The following IL22RA2 variants were observed in gnomAD, a reference collection of about 807,000 sequenced individuals.
IL22RA2 encodes interleukin-22 receptor subunit alpha-2.
Under a neutral mutation model 30.7 loss-of-function variants are expected in IL22RA2, and 39 were observed. The ratio of observed to expected loss-of-function variants is 1.27; its 90% CI spans 0.98 to 1.66. The LOEUF (loss-of-function observed/expected upper bound fraction) is 1.66. Ranked by LOEUF, IL22RA2 falls within the 40% of genes most tolerant of loss-of-function variation. IL22RA2 has a pLI of 0.00. For synonymous variants in IL22RA2, 103 were observed against 105.0 expected, an observed-to-expected ratio of 0.98 and a Z score of 0.11; for missense variants, 315 against 312.7, an observed-to-expected ratio of 1.01 and a Z score of -0.05.
intron 5 of IL22RA2, among the ~76,000 whole-genome samples, chr6:137,152,898 C>G (rs765029961): frequency 6.6e-5 from 10 of 152,038 alleles, no homozygotes; most frequent in Non-Finnish European, 1.2e-4. Context: ...GTCCAACTTT[C>G]CAGTAAGGAA....
intron 6 of IL22RA2, 61 bp downstream of exon 6, chr6:137,147,661 C>G: frequency 7.6e-7 from 1 of 1,315,502 alleles, no homozygotes; most frequent in African/African-American, 1.5e-5. Context: ...CATATGACCA[C>G]AATATTGGTT....
At chr6:137,169,223 T>G (rs28741404) in intron 1 of IL22RA2, among the ~76,000 whole-genome samples, 12,081 of 152,272 alleles carry the variant, frequency 0.079, 1,173 homozygotes, top group African/African-American at 0.23. Flanking sequence ...GTCAACAATA[T>G]TTTGAAGAAT....
rs1293958358 is a variant in IL22RA2 at position 137,144,114 on chromosome 6, C to T, written c.*1510G>A. 2 of 152,296 alleles carry T rather than the reference C, an allele frequency of 1.3e-5. No homozygotes were observed. Among genetic ancestry groups the T allele is most frequent in the African/African-American group, 4.8e-5 (2 of 41,430 alleles). The allele number at this position is 152,296 out of a possible 1,614,324, so 9.4% of individuals were successfully genotyped here. On this transcript the variant is annotated 3_prime_UTR_variant, in exon 7 of 7. Coordinates refer to ENST00000296980, the MANE Select transcript of IL22RA2 (RefSeq NM_052962.3). ...ACCCACCCCACTACTCTTAATTCAT[C>T]GCCCTCTCCACAAAAGGACAAAAGG...
chr6:137,154,721 T>C (rs7774349), intron 5 of IL22RA2, among the ~76,000 whole-genome samples: 90,542 of 152,014 alleles, frequency 0.6, 29,221 homozygotes, highest in African/African-American at 0.85. Flanking sequence ...TAATACAGAT[T>C]GCGAGATTGG....
intron 1 of IL22RA2, among the ~76,000 whole-genome samples, chr6:137,165,902 A>G (rs1430266167): frequency 6.6e-6 from 1 of 152,220 alleles, no homozygotes. Flanking sequence ...TTCTAACCCT[A>G]GAATGTTAAG....
Position 137,145,545 on chromosome 6 carries a change from T to TA in IL22RA2, c.*78dup. On this transcript the variant is annotated 3_prime_UTR_variant, in exon 7 of 7. Coordinates refer to ENST00000296980, the MANE Select transcript of IL22RA2 (RefSeq NM_052962.3). Reference sequence around the variant, plus strand: ...AAGAAAATACAAAAACAATTTTAAATAAGATCCTTCAAACACGAGTCATCC... The same window carrying TA: ...AAGAAAATACAAAAACAATTTTAAATAAAGATCCTTCAAACACGAGTCATCC... 7.5e-7 allele frequency: 1 copy of TA among 1,329,840 alleles called. No individual in the cohort carries two copies. The highest frequency in any genetic ancestry group is 1.0e-6 in the Non-Finnish European group (1 of 973,424). The allele number at this position is 1,329,840 out of a possible 1,614,324, so 82.4% of individuals were successfully genotyped here.
chr6:137,168,600 C>T (rs1474947595), intron 1 of IL22RA2, among the ~76,000 whole-genome samples: 1 of 152,136 alleles, frequency 6.6e-6, no homozygotes, highest in Non-Finnish European at 1.5e-5. Flanking sequence ...TTGTGATAAT[C>T]AGTGGACCAC....
chr6:137,164,260 C>A (rs1265169865), intron 1 of IL22RA2, among the ~76,000 whole-genome samples: 3 of 152,104 alleles, frequency 2.0e-5, no homozygotes, highest in East Asian at 1.9e-4. Flanking sequence ...GCCAAGGGGA[C>A]AATAGACAGG....
At chr6:137,157,747 C>T (rs1445556512) in intron 3 of IL22RA2, among the ~76,000 whole-genome samples, 1 of 151,392 alleles carries the variant, frequency 6.6e-6, no homozygotes, top group Non-Finnish European at 1.5e-5. Flanking sequence ...GTTTCCAAGC[C>T]TTGAGCCAGG....
intron 1 of IL22RA2, among the ~76,000 whole-genome samples, chr6:137,168,800 T>C (rs1334152785): frequency 6.6e-6 from 1 of 152,208 alleles, no homozygotes; most frequent in Non-Finnish European, 1.5e-5. Flanking sequence ...TCCTAGGACT[T>C]GGTATTCCTC....
intron 5 of IL22RA2, among the ~76,000 whole-genome samples, chr6:137,149,177 C>T (rs553252440): frequency 6.6e-6 from 1 of 152,248 alleles, no homozygotes; most frequent in South Asian, 2.1e-4. Flanking sequence ...TCTGGTCTTA[C>T]TCAAAACTGC....
Position 137,145,491 on chromosome 6 carries a change from C to T in IL22RA2, c.*133G>A. 1.4e-6 allele frequency: 1 copy of T among 702,130 alleles called. No homozygotes were observed. The highest frequency in any genetic ancestry group is 2.2e-6 in the Non-Finnish European group (1 of 450,256). 43.5% of individuals were successfully genotyped at this position (702,130 alleles called of 1,614,324 possible). A position where few individuals can be genotyped will look rare whatever the true frequency, so the allele number is the denominator to read the frequency against. On this transcript the variant is annotated 3_prime_UTR_variant, in exon 7 of 7. Transcript: ENST00000296980. ...TAAAAGAATGGATAAACAAAGAAGTCCCCAAGGTGTAACAGTGAATATTGC... is the reference window on the plus strand; with the variant it reads ...TAAAAGAATGGATAAACAAAGAAGTTCCCAAGGTGTAACAGTGAATATTGC...
chr6:137,151,930 T>G (rs2046476976), intron 5 of IL22RA2, among the ~76,000 whole-genome samples: 1 of 152,232 alleles, frequency 6.6e-6, no homozygotes, highest in Non-Finnish European at 1.5e-5. Flanking sequence ...CATATATTGC[T>G]GATGGGAATG....
chr6:137,145,596 C>T lies in IL22RA2; in HGVS notation c.*28G>A. 1 of 1,584,294 alleles carries T rather than the reference C, an allele frequency of 6.3e-7. No individual in the cohort carries two copies. Among genetic ancestry groups the T allele is most frequent in the Non-Finnish European group, 8.6e-7 (1 of 1,165,324 alleles). On this transcript the variant is annotated 3_prime_UTR_variant, in exon 7 of 7. Transcript: ENST00000296980. ...TGTTCTCAGGGAGCTTTAGAATTTC[C>T]ACATTGCTGAATGCCAAATTCCACA... is the stretch of plus-strand genomic sequence containing the variant.
At chr6:137,150,911 A>G (rs887389574) in intron 5 of IL22RA2, among the ~76,000 whole-genome samples, 1 of 152,172 alleles carries the variant, frequency 6.6e-6, no homozygotes, top group Non-Finnish European at 1.5e-5. Context: ...TGCATCTAGC[A>G]TTTTGGACAG....
At chr6:137,170,837 T>C (rs367561307) in intron 1 of IL22RA2, among the ~76,000 whole-genome samples, 1 of 152,124 alleles carries the variant, frequency 6.6e-6, no homozygotes, top group Non-Finnish European at 1.5e-5. Flanking sequence ...GCAGGACTTA[T>C]GACAAGTATG....
At chr6:137,154,838 T>G in intron 5 of IL22RA2, 103 bp downstream of exon 5, 1 of 879,944 alleles carries the variant, frequency 1.1e-6, no homozygotes, top group South Asian at 1.4e-5. Context: ...GAGATAATGA[T>G]GTAGAGACCT....
chr6:137,160,340 C>A (rs1265342549), intron 2 of IL22RA2, among the ~76,000 whole-genome samples: 1 of 152,224 alleles, frequency 6.6e-6, no homozygotes, highest in Non-Finnish European at 1.5e-5. Flanking sequence ...TTGCCCAGCT[C>A]TTCTGTGAGG....
chr6:137,168,187 T>C (rs969003927), intron 1 of IL22RA2, among the ~76,000 whole-genome samples: 9 of 152,184 alleles, frequency 5.9e-5, no homozygotes, highest in African/African-American at 2.2e-4. Flanking sequence ...TAAAACTCTG[T>C]TATACCAGAC....
Sources: allele counts gnomAD v4.1 joint callset (sites outside exome capture counted in the v4.1 genomes callset), GRCh38; gene constraint gnomAD v4.1.1; transcripts MANE v1.5; gene names NCBI Gene and HGNC (gene_info 2026-07-23, HGNC 2026-07-21).